Variants in UBAP1L observed in about 807,000 individuals in gnomAD.
UBAP1L encodes ubiquitin associated protein 1 like, also known as ubiquitin-associated protein 1-like.
A neutral mutation model predicts 32.1 loss-of-function variants in UBAP1L; 32 were observed. That is an observed-to-expected ratio of 1.00 (90% confidence interval 0.75 to 1.34). The LOEUF is 1.34. Among genes scored for constraint, UBAP1L ranks in the 40% most tolerant of loss-of-function variants. The pLI is 0.00. For missense variants in UBAP1L, 516 were observed against 540.5 expected (o/e 0.95, Z 0.45); for synonymous variants, 243 against 250.2 (o/e 0.97, Z 0.27).
At chr15:65,101,916 C>T (rs2087243524) in intron 3 of UBAP1L, among the ~76,000 whole-genome samples, 190 bp downstream of exon 3, 1 of 152,164 alleles carries the variant, frequency 6.6e-6, no homozygotes. Flanking sequence ...GGCTTCTGAG[C>T]AGGGACTACT....
chr15:65,105,956 A>T, intron 2 of UBAP1L, 140 bp downstream of exon 2: 1 of 1,239,568 alleles, frequency 8.1e-7, no homozygotes. Flanking sequence ...ACACCCAGCT[A>T]ATTTTTTGTA....
chr15:65,113,076 C>G (rs2087379443), intron 1 of UBAP1L, among the ~76,000 whole-genome samples: 1 of 152,152 alleles, frequency 6.6e-6, no homozygotes, highest in South Asian at 2.1e-4. Flanking sequence ...AAAACCAAAA[C>G]TAAGCCACTC....
rs149705613 is a variant in UBAP1L at position 65,110,649 on chromosome 15, C to T, written c.-173-4261G>A. ...GAGGTGAGCCGAGATGGCACCACTGCACTCCAGCCTGGGCGACAGAGTGAG... is the reference window on the plus strand; with the variant it reads ...GAGGTGAGCCGAGATGGCACCACTGTACTCCAGCCTGGGCGACAGAGTGAG... On this transcript the variant is annotated intron_variant, in intron 1 of 5. Coordinates refer to ENST00000559089, the MANE Select transcript of UBAP1L (RefSeq NM_001163692.2). Among the ~76,000 whole-genome samples, 876 of 144,970 alleles carry T rather than the reference C, an allele frequency of 6.0e-3. 7 individuals are homozygous for T. The highest frequency in any genetic ancestry group is 0.022 in the African/African-American group (841 of 38,770).
intron 1 of UBAP1L, among the ~76,000 whole-genome samples, chr15:65,109,528 A>G (rs1225413847): frequency 1.3e-5 from 2 of 151,088 alleles, no homozygotes; most frequent in Non-Finnish European, 2.9e-5. Flanking sequence ...AGAATATACC[A>G]TTAAGAGAGT....
At position 65,102,669 on chromosome 15, in the gene UBAP1L, C is replaced by G. The variant is rs1193428988; in HGVS notation, c.136G>C (p.Glu46Gln). Residue 46 changes from glutamate (E) to glutamine (Q), a missense_variant, in exon 3 of 6, where the codon GAG (glutamate) becomes CAG (glutamine). Coordinates refer to ENST00000559089, the MANE Select transcript of UBAP1L (RefSeq NM_001163692.2). The surrounding 1 kb of genome is among the most constrained non-coding windows in gnomAD (Gnocchi z 5.0). The stretch of plus-strand genomic sequence containing the variant: ...TCCACCCAGAAGAGTGCCGTCCTCT[C>G]CAGGCTGAAGTCGTGCTGCGGAAAG... ...LLGSMHDFSL[E>Q]RTALFWVEAA... 9 of 1,547,802 alleles carry G rather than the reference C, an allele frequency of 5.8e-6. No individual in the cohort carries two copies. The highest frequency in any genetic ancestry group is 1.7e-4 in the Middle Eastern group (1 of 6,008).
In UBAP1L at chr15:65,094,384, TC is replaced by T. The variant is rs1276331208; in HGVS notation, c.1011+90del. 1.1e-6 allele frequency: 1 copy of T among 870,698 alleles called. No homozygotes were observed. Among genetic ancestry groups the T allele is most frequent in the Non-Finnish European group, 1.8e-6 (1 of 570,020 alleles). The allele number at this position is 870,698 out of a possible 1,614,324, so 53.9% of individuals were successfully genotyped here. ...CCACAGGCTGGACCCACAGACTGGC[TC>T]TGAGGACTGGTGTGGCCCTGCACAC... is the stretch of plus-strand genomic sequence containing the variant. On this transcript the variant is annotated intron_variant, in intron 5 of 5. Coordinates refer to ENST00000559089, the MANE Select transcript of UBAP1L (RefSeq NM_001163692.2). The surrounding 1 kb of genome is among the most constrained non-coding windows in gnomAD (Gnocchi z 4.2).
At chr15:65,112,470 C>T (rs574847345) in intron 1 of UBAP1L, among the ~76,000 whole-genome samples, 5 of 152,256 alleles carry the variant, frequency 3.3e-5, no homozygotes, top group Non-Finnish European at 5.9e-5. Context: ...CTCTCAAACA[C>T]TAGCCCATGA....
chr15:65,096,642 C>T (rs1167977681), intron 4 of UBAP1L: 1 of 152,240 alleles, frequency 6.6e-6, no homozygotes, highest in Non-Finnish European at 1.5e-5. Flanking sequence ...GGAGGGGGCC[C>T]CCGGAAGTCA....
At chr15:65,105,469 C>T (rs1354634309) in intron 2 of UBAP1L, 9 of 389,146 alleles carry the variant, frequency 2.3e-5, no homozygotes, top group Non-Finnish European at 3.4e-5. Flanking sequence ...GGTGACAGAG[C>T]GAGACTCTGT....
intron 3 of UBAP1L, chr15:65,101,076 G>C (rs1256291501): frequency 6.6e-6 from 1 of 152,240 alleles, no homozygotes; most frequent in Non-Finnish European, 1.5e-5. Context: ...AGTGCAGGTA[G>C]AGAAGGGGTG....
intron 4 of UBAP1L, chr15:65,096,865 A>G (rs1174289849): frequency 1.3e-5 from 2 of 152,286 alleles, no homozygotes; most frequent in African/African-American, 4.8e-5. Flanking sequence ...CTCTGTCTCT[A>G]TCACCTGATG....
In UBAP1L at chr15:65,099,363, T is replaced by C. The variant is rs1018427243; in HGVS notation, c.909+142A>G. ...ATCTCAGCCCCACTTAGGACAACCCTGAGGGGCCATAGATGCTCCAGAGCT... is the reference window on the plus strand; with the variant it reads ...ATCTCAGCCCCACTTAGGACAACCCCGAGGGGCCATAGATGCTCCAGAGCT... On this transcript the variant is annotated intron_variant, in intron 4 of 5. Transcript: ENST00000559089. 6.2e-4 allele frequency: 532 copies of C among 858,710 alleles called. 1 individual carries two copies. The highest frequency in any genetic ancestry group is 4.5e-4 in the Admixed American group (18 of 40,300). The allele number at this position is 858,710 out of a possible 1,614,324, so 53.2% of individuals were successfully genotyped here.
In UBAP1L at chr15:65,115,150, C is replaced by T. The variant is rs938204998; in HGVS notation, c.-174G>A. ...GGAATAAGATATACTTTGTACTTAC[C>T]TTGTAATTACCAGGAGAACTTCCCT... On this transcript the variant is annotated splice_region_variant and 5_prime_UTR_variant, in exon 1 of 6. Transcript: ENST00000559089. 4 of 152,078 alleles carry T rather than the reference C, an allele frequency of 2.6e-5. No homozygotes were observed. Among genetic ancestry groups the T allele is most frequent in the Admixed American group, 2.0e-4 (3 of 15,276 alleles). 9.4% of individuals were successfully genotyped at this position (152,078 alleles called of 1,614,324 possible).
chr15:65,111,402 G>A (rs567110294), intron 1 of UBAP1L, among the ~76,000 whole-genome samples: 9 of 152,248 alleles, frequency 5.9e-5, no homozygotes, highest in African/African-American at 1.9e-4. Context: ...TCCATCTTCC[G>A]CCCAGCATCT....
chr15:65,114,199 T>TA (rs2087388470), intron 1 of UBAP1L, among the ~76,000 whole-genome samples: 1 of 151,550 alleles, frequency 6.6e-6, no homozygotes, highest in Non-Finnish European at 1.5e-5. Flanking sequence ...TTTTTTTTTT[T>TA]AACTATGACC....
chr15:65,104,858 T>A (rs1198467704), intron 2 of UBAP1L: 2 of 356,650 alleles, frequency 5.6e-6, no homozygotes, highest in Admixed American at 7.4e-5. Context: ...ATACAAAAAA[T>A]TAGCTGGCTT....
At position 65,102,083 on chromosome 15, in the gene UBAP1L, G is replaced by A. The variant is rs2087245473; in HGVS notation, c.699+23C>T. 1.8e-6 allele frequency: 2 copies of A among 1,137,132 alleles called. No individual in the cohort carries two copies. Among genetic ancestry groups the A allele is most frequent in the South Asian group, 4.4e-5 (1 of 22,902 alleles). The allele number at this position is 1,137,132 out of a possible 1,614,324, so 70.4% of individuals were successfully genotyped here. On this transcript the variant is annotated intron_variant, in intron 3 of 5. Transcript: ENST00000559089. The surrounding 1 kb of genome is among the most constrained non-coding windows in gnomAD (Gnocchi z 5.0). ...GCCTGGGCTGCTGATTGGCGGCCTT[G>A]GAGGGGCGGGCAGAATCCTTACCGC...
intron 2 of UBAP1L, 132 bp downstream of exon 2, chr15:65,105,964 G>T: frequency 7.7e-7 from 1 of 1,306,338 alleles, no homozygotes; most frequent in Non-Finnish European, 1.1e-6. Flanking sequence ...CTAATTTTTT[G>T]TATTGTTAGT....
rs906089452 is a variant in UBAP1L, at chr15:65,094,757, T to C, written c.910-181A>G. The C allele has an allele frequency of 3.3e-6, 2 of 613,558 alleles. No homozygotes were observed. Among genetic ancestry groups the C allele is most frequent in the African/African-American group, 1.8e-5 (1 of 54,442 alleles). The allele number at this position is 613,558 out of a possible 1,614,324, so 38.0% of individuals were successfully genotyped here. Reference sequence around the variant, plus strand: ...AAGGGGGATAGAGGCTTTCTCTGAGTGCCTGGCGATAGGCAGACAATGGGT... The same window carrying C: ...AAGGGGGATAGAGGCTTTCTCTGAGCGCCTGGCGATAGGCAGACAATGGGT... On this transcript the variant is annotated intron_variant, in intron 4 of 5. Transcript: ENST00000559089. The surrounding 1 kb of genome is among the most constrained non-coding windows in gnomAD (Gnocchi z 4.2).
Sources: allele counts gnomAD v4.1 joint callset (sites outside exome capture counted in the v4.1 genomes callset), GRCh38; gene constraint gnomAD v4.1.1; non-coding constraint Gnocchi (gnomAD v3.1); transcripts MANE v1.5; gene names NCBI Gene and HGNC (gene_info 2026-07-23, HGNC 2026-07-21).